The following TNRC6A variants were observed in gnomAD, a reference collection of about 807,000 sequenced individuals.
The protein encoded by TNRC6A is trinucleotide repeat-containing gene 6A protein.
Under a neutral mutation model 221.2 loss-of-function variants are expected in TNRC6A, and 44 were observed. That is an observed-to-expected ratio of 0.20 (90% CI 0.16 to 0.26). TNRC6A has a LOEUF of 0.26. Ranked by LOEUF, TNRC6A falls within the 10% of genes least tolerant of loss-of-function variation. The pLI is 1.00. For missense variants in TNRC6A, 2,199 were observed against 2,404.4 expected (o/e 0.91, Z 1.79); for synonymous variants, 847 against 838.5 (o/e 1.01, Z -0.18).
At chr16:24,663,742 C>T in intron 2 of TNRC6A, 1 of 356,464 alleles carries the variant, frequency 2.8e-6, no homozygotes, top group East Asian at 7.5e-5. Context: ...GCCTTAGTGT[C>T]CATGGCTTTT....
At chr16:24,765,654 G>T (rs552726416) in intron 4 of TNRC6A, among the ~76,000 whole-genome samples, 1 of 152,096 alleles carries the variant, frequency 6.6e-6, no homozygotes, top group African/African-American at 2.4e-5. Context: ...CTAATGGCAG[G>T]TATTTTTCTT....
chr16:24,819,797 C>A (rs1000970913), intron 21 of TNRC6A: 2 of 241,708 alleles, frequency 8.3e-6, no homozygotes, highest in Admixed American at 5.1e-5. Context: ...AATGGCCTTT[C>A]TTGAGTGACT....
chr16:24,683,267 G>A (rs2055567916), intron 2 of TNRC6A, among the ~76,000 whole-genome samples: 1 of 152,142 alleles, frequency 6.6e-6, no homozygotes, highest in Non-Finnish European at 1.5e-5. Flanking sequence ...CACAATCATA[G>A]TTTACTTCAG....
chr16:24,706,074 G>A (rs1567373519), intron 2 of TNRC6A, among the ~76,000 whole-genome samples: 1 of 152,074 alleles, frequency 6.6e-6, no homozygotes. Context: ...AGAAAACCTT[G>A]TACTTAAAAT....
chr16:24,745,801 C>G (rs939250094), intron 2 of TNRC6A, among the ~76,000 whole-genome samples: 4 of 146,870 alleles, frequency 2.7e-5, no homozygotes, highest in East Asian at 4.1e-4. Context: ...ACCATCCCCC[C>G]CCCCCCCAGC....
intron 2 of TNRC6A, among the ~76,000 whole-genome samples, chr16:24,678,782 T>C (rs558387745): frequency 1.8e-4 from 28 of 152,144 alleles, no homozygotes; most frequent in Admixed American, 3.9e-4. Flanking sequence ...TGCGAGAGAC[T>C]GTGAGATAAT....
chr16:24,650,403 G>A (rs77925231), intron 2 of TNRC6A, among the ~76,000 whole-genome samples: 12,858 of 152,084 alleles, frequency 0.085, 753 homozygotes, highest in East Asian at 0.31. Flanking sequence ...AGTGGCTCAC[G>A]CCTGTAATCC....
intron 1 of TNRC6A, among the ~76,000 whole-genome samples, chr16:24,613,688 C>A (rs967940773): frequency 6.7e-6 from 1 of 149,854 alleles, no homozygotes; most frequent in African/African-American, 2.4e-5. Context: ...CCACCATGCC[C>A]AGCTAATTTT....
chr16:24,788,323 TGA>T (rs2058018786), intron 5 of TNRC6A, among the ~76,000 whole-genome samples: 2 of 152,214 alleles, frequency 1.3e-5, no homozygotes. Context: ...GAAAATTTTA[TGA>T]GAGGAAGTTG....
chr16:24,621,345 CTTTTTTTTTTTTTTT>C (rs1265818474), intron 1 of TNRC6A, among the ~76,000 whole-genome samples: 2 of 73,948 alleles, frequency 2.7e-5, no homozygotes, highest in Non-Finnish European at 4.8e-5. Context: ...AGAATATGGT[CTTTTTTTTTTTTTTT>C]TTTTTTTTTA....
intron 5 of TNRC6A, among the ~76,000 whole-genome samples, chr16:24,784,297 C>CA (rs1411188375): frequency 6.6e-6 from 1 of 152,110 alleles, no homozygotes; most frequent in Non-Finnish European, 1.5e-5. Context: ...CCACTGTGCC[C>CA]AGCCAACACT....
chr16:24,783,731 A>G (rs1045484412), intron 5 of TNRC6A, among the ~76,000 whole-genome samples: 30 of 152,164 alleles, frequency 2.0e-4, no homozygotes, highest in Admixed American at 1.8e-3. Flanking sequence ...CTTTCTTCCT[A>G]CTAGCACAGA....
rs1226099603 is a variant in TNRC6A, at chr16:24,748,442, AAG to A, written c.54-2279_54-2278del. On this transcript the variant is annotated intron_variant, in intron 2 of 24. Transcript: ENST00000395799. ...ACTACCTCCTGCACACAGAATTCAA[AAG>A]AGAGTGAGTCATGGCCACAGTTGGC... Among the ~76,000 whole-genome samples, 12 of 152,272 alleles carry A rather than the reference AAG, an allele frequency of 7.9e-5. 1 individual carries two copies. Among genetic ancestry groups the A allele is most frequent in the African/African-American group, 2.6e-4 (11 of 41,558 alleles).
intron 2 of TNRC6A, among the ~76,000 whole-genome samples, chr16:24,643,078 A>T (rs201033223): frequency 8.3e-5 from 11 of 133,218 alleles, no homozygotes; most frequent in African/African-American, 1.4e-4. Context: ...TTATATATAT[A>T]TTATATATAT....
chr16:24,777,480 G>T (rs999536211), intron 5 of TNRC6A, 122 bp downstream of exon 5: 2 of 928,902 alleles, frequency 2.2e-6, no homozygotes, highest in Non-Finnish European at 3.2e-6. Context: ...TTTAATGTAA[G>T]AGTTCTTTAT....
At chr16:24,676,776 G>A (rs903492962) in intron 2 of TNRC6A, among the ~76,000 whole-genome samples, 2 of 152,100 alleles carry the variant, frequency 1.3e-5, no homozygotes, top group Admixed American at 6.6e-5. Context: ...TTTCTTGACT[G>A]CATTTGATCA....
intron 10 of TNRC6A, 114 bp from the exon 11 acceptor site, chr16:24,797,801 C>A: frequency 1.0e-6 from 1 of 985,452 alleles, no homozygotes; most frequent in Non-Finnish European, 1.5e-6. Context: ...AAAAATGAAG[C>A]TTTATGATCC....
At chr16:24,741,801 C>G (rs917449439) in intron 2 of TNRC6A, among the ~76,000 whole-genome samples, 14 of 152,140 alleles carry the variant, frequency 9.2e-5, no homozygotes, top group Non-Finnish European at 1.8e-4. Flanking sequence ...TGCCTAGTCT[C>G]TCATGGCTAG....
intron 1 of TNRC6A, among the ~76,000 whole-genome samples, chr16:24,627,981 G>A (rs947990173): frequency 2.6e-5 from 4 of 151,794 alleles, no homozygotes; most frequent in African/African-American, 9.6e-5. Flanking sequence ...ACAGGCATGA[G>A]CCACGGCACT....
Sources: allele counts gnomAD v4.1 joint callset (sites outside exome capture counted in the v4.1 genomes callset), GRCh38; gene constraint gnomAD v4.1.1; transcripts MANE v1.5; gene names NCBI Gene and HGNC (gene_info 2026-07-23, HGNC 2026-07-21).